Variants in U2SURP observed in about 807,000 individuals in gnomAD.
The protein encoded by U2SURP is U2 snRNP-associated SURP motif-containing protein.
A neutral mutation model predicts 144.9 loss-of-function variants in U2SURP; 9 were observed. The ratio of observed to expected loss-of-function variants is 0.06; its 90% CI spans 0.04 to 0.11. The LOEUF is 0.11. Ranked by LOEUF, U2SURP falls within the 10% of genes least tolerant of loss-of-function variation. The pLI is 1.00. For synonymous variants in U2SURP, 408 were observed against 396.8 expected (o/e 1.03, Z -0.33); for missense variants, 724 against 1,226.7 (o/e 0.59, Z 6.12).
chr3:143,032,636 GAC>G, intron 16 of U2SURP, 146 bp from the exon 17 acceptor site: 2 of 576,844 alleles, frequency 3.5e-6, no homozygotes, highest in Middle Eastern at 5.0e-4. Context: ...AATTTTGGGG[GAC>G]ACAACACAAA....
At chr3:143,028,739 A>T in intron 16 of U2SURP, 93 bp downstream of exon 16, 1 of 1,144,646 alleles carries the variant, frequency 8.7e-7, no homozygotes, top group Non-Finnish European at 1.2e-6. Context: ...ACCCTAAAAT[A>T]AATTTTTTTC....
chr3:143,008,597 G>T (rs1935963995), intron 1 of U2SURP, among the ~76,000 whole-genome samples: 1 of 152,174 alleles, frequency 6.6e-6, no homozygotes, highest in Admixed American at 6.5e-5. Flanking sequence ...TTGAAAAGGT[G>T]GCTTGAGTAA....
chr3:143,047,602 G>A (rs1260694514), intron 24 of U2SURP, among the ~76,000 whole-genome samples: 2 of 45,304 alleles, frequency 4.4e-5, no homozygotes, highest in African/African-American at 1.1e-4. Context: ...CCTCCCGGAC[G>A]GGGCGGCTGG....
At chr3:143,015,821 C>T (rs1936346772) in intron 4 of U2SURP, among the ~76,000 whole-genome samples, 2 of 152,036 alleles carry the variant, frequency 1.3e-5, no homozygotes, top group African/African-American at 4.8e-5. Flanking sequence ...CTGAGCTTTC[C>T]TTAATGCCAC....
intron 18 of U2SURP, chr3:143,034,662 G>A: frequency 2.6e-6 from 1 of 383,364 alleles, no homozygotes; most frequent in Admixed American, 4.2e-5. Context: ...CTCGTAAAGG[G>A]AACTAGTAGG....
At chr3:143,024,160 A>G (rs1932989860) in intron 13 of U2SURP, 142 bp downstream of exon 13, 1 of 714,140 alleles carries the variant, frequency 1.4e-6, no homozygotes, top group Non-Finnish European at 2.4e-6. Flanking sequence ...GGGATGTGTG[A>G]AATTTAACTA....
chr3:143,055,564 A>G (rs1004086864), intron 27 of U2SURP, among the ~76,000 whole-genome samples: 1 of 152,024 alleles, frequency 6.6e-6, no homozygotes, highest in Non-Finnish European at 1.5e-5. Context: ...TATTTTGTAT[A>G]CTTTTTTTTC....
rs898532058 is a variant in U2SURP at position 143,019,467 on chromosome 3, A to G, written c.571-502A>G. On this transcript the variant is annotated intron_variant, in intron 6 of 27. Coordinates refer to ENST00000473835, the MANE Select transcript of U2SURP (RefSeq NM_001080415.2). ...TTTTTGTACATTTAGTATATGGTGT[A>G]AAGTAGAAGTCCAACTTCATTTTTC... is the stretch of plus-strand genomic sequence containing the variant. 3.3e-5 allele frequency among the ~76,000 whole-genome samples: 5 copies of G among 152,224 alleles called. No homozygotes were observed. The East Asian group carries it at 9.6e-4, about 29-fold the overall frequency.
intron 18 of U2SURP, 165 bp from the exon 19 acceptor site, chr3:143,034,723 C>G (rs1414340843): frequency 3.7e-6 from 2 of 545,814 alleles, no homozygotes; most frequent in Non-Finnish European, 6.5e-6. Context: ...AGAGTTCAAG[C>G]AATTCAGTTA....
chr3:143,024,083 GA>G, intron 13 of U2SURP, 65 bp downstream of exon 13: 1 of 1,454,034 alleles, frequency 6.9e-7, no homozygotes, highest in South Asian at 1.1e-5. Context: ...AATTTAAAAA[GA>G]AATGGTGTTG....
chr3:143,009,097 G>T (rs920701071), intron 1 of U2SURP, among the ~76,000 whole-genome samples: 1 of 152,076 alleles, frequency 6.6e-6, no homozygotes, highest in Non-Finnish European at 1.5e-5. Flanking sequence ...TTTTTCTTTT[G>T]TAAGAGTAGT....
Position 143,021,325 on chromosome 3 carries a change from A to C in U2SURP, c.734-25A>C, listed in dbSNP as rs183260625. ...GACTACTGTATTATAAAAACTAATAATTGTCTTCTTTTCTCCCCTTTAAGT... is the reference window on the plus strand; with the variant it reads ...GACTACTGTATTATAAAAACTAATACTTGTCTTCTTTTCTCCCCTTTAAGT... On this transcript the variant is annotated intron_variant, in intron 8 of 27. Transcript: ENST00000473835. 398 of 1,573,350 alleles carry C rather than the reference A, an allele frequency of 2.5e-4. No homozygotes were observed. In the African/African-American group the frequency reaches 4.8e-3, roughly 19 times the overall value.
At chr3:143,008,077 C>T (rs970732806) in intron 1 of U2SURP, among the ~76,000 whole-genome samples, 10 of 152,334 alleles carry the variant, frequency 6.6e-5, no homozygotes, top group South Asian at 6.2e-4. Context: ...TGTCCTACAC[C>T]GGTGCATTGT....
intron 1 of U2SURP, among the ~76,000 whole-genome samples, chr3:143,009,441 T>A (rs542076881): frequency 5.5e-4 from 83 of 151,922 alleles, no homozygotes; most frequent in African/African-American, 2.0e-3. Context: ...CTACTAAAAA[T>A]ACAAAAATTA....
intron 1 of U2SURP, among the ~76,000 whole-genome samples, chr3:143,005,762 C>A (rs1484531313): frequency 6.6e-6 from 1 of 151,204 alleles, no homozygotes; most frequent in Non-Finnish European, 1.5e-5. Flanking sequence ...AGAAAGATAC[C>A]CATTTGCCTT....
At chr3:143,034,264 C>T (rs913799121) in intron 18 of U2SURP, among the ~76,000 whole-genome samples, 5 of 151,966 alleles carry the variant, frequency 3.3e-5, no homozygotes, top group East Asian at 3.9e-4. Context: ...ATTAGCTGGG[C>T]GTGGTGGTGT....
At chr3:143,022,757 G>A (rs1203637569) in intron 11 of U2SURP, 95 bp downstream of exon 11, 2 of 1,469,776 alleles carry the variant, frequency 1.4e-6, no homozygotes, top group Non-Finnish European at 1.8e-6. Flanking sequence ...ACCTGAAATG[G>A]AGAGGTTAAA....
At chr3:143,021,630 T>C in intron 10 of U2SURP, 75 bp downstream of exon 10, 21 of 1,403,532 alleles carry the variant, frequency 1.5e-5, no homozygotes, top group Admixed American at 2.1e-5. Flanking sequence ...TCAAAAAAAA[T>C]CAAGATTCTG....
chr3:143,052,390 C>T (rs1934922534), intron 25 of U2SURP, among the ~76,000 whole-genome samples: 1 of 61,494 alleles, frequency 1.6e-5, no homozygotes, highest in Admixed American at 2.2e-4. Flanking sequence ...GTGGAAAACT[C>T]TGTCTAAAAA....
Sources: gnomAD v4.1 joint callset for allele counts (sites outside exome capture counted in the v4.1 genomes callset) on GRCh38, gnomAD v4.1.1 for gene constraint, MANE v1.5 for transcripts, NCBI Gene and HGNC (gene_info 2026-07-23, HGNC 2026-07-21) for gene names.